Variants in SEPTIN7 observed in about 807,000 individuals in gnomAD.
SEPTIN7 encodes septin-7.
A neutral mutation model predicts 63.3 loss-of-function variants in SEPTIN7; 10 were observed. That is an observed-to-expected ratio of 0.16 (90% CI 0.10 to 0.27). SEPTIN7 has a LOEUF of 0.27. SEPTIN7 is among the 10% of genes least tolerant of loss of function. The pLI, the probability that SEPTIN7 is intolerant of heterozygous loss-of-function variation, is 1.00. For synonymous variants in SEPTIN7, 131 were observed against 165.3 expected (o/e 0.79, Z 1.59); for missense variants, 310 against 521.0 (o/e 0.59, Z 3.94).
chr7:35,884,079 A>G (rs1236007802), intron 9 of SEPTIN7, 92 bp downstream of exon 9: 4 of 688,688 alleles, frequency 5.8e-6, no homozygotes, highest in Non-Finnish European at 1.0e-5. Context: ...TGCACACTGT[A>G]TTGATATAGT....
chr7:35,823,017 T>TC lies in SEPTIN7; in HGVS notation c.62-8474dup, dbSNP rs1360422927. Among the ~76,000 whole-genome samples, 6 of 152,254 alleles carry TC rather than the reference T, an allele frequency of 3.9e-5. 1 individual carries two copies. Among genetic ancestry groups the TC allele is most frequent in the East Asian group, 3.9e-4 (2 of 5,180 alleles). On this transcript the variant is annotated intron_variant, in intron 1 of 13. Transcript: ENST00000350320. ...ACTGTGCTTGAGCCATCCTTTTTTTTCTCTCTCTGTCTCATCTGAGAGCCA... is the reference window on the plus strand; with the variant it reads ...ACTGTGCTTGAGCCATCCTTTTTTTTCCTCTCTCTGTCTCATCTGAGAGCCA...
At chr7:35,833,142 A>G (rs1432128426) in intron 3 of SEPTIN7, among the ~76,000 whole-genome samples, 1 of 152,062 alleles carries the variant, frequency 6.6e-6, no homozygotes, top group Admixed American at 6.5e-5. Context: ...GTTGGAGTGG[A>G]ACTCTAGAGA....
chr7:35,817,817 AT>A (rs1252763648), intron 1 of SEPTIN7, among the ~76,000 whole-genome samples: 1 of 149,930 alleles, frequency 6.7e-6, no homozygotes, highest in Non-Finnish European at 1.5e-5. Flanking sequence ...TTTTTTCTTA[AT>A]TTTTTTATAG....
In SEPTIN7 at chr7:35,801,915, C is replaced by G. The variant is rs575986104; in HGVS notation, c.61+645C>G. ...TCCTCCTCCCGCCTCTCGGGGTTGC[C>G]TCTCTCCAGGCGCAGCCCGGAAGGC... On this transcript the variant is annotated intron_variant, in intron 1 of 13. Transcript: ENST00000350320. Among the ~76,000 whole-genome samples the G allele has an allele frequency of 1.3e-5, 2 of 152,300 alleles. 1 individual carries two copies. Among genetic ancestry groups the G allele is most frequent in the South Asian group, 4.1e-4 (2 of 4,830 alleles).
intron 1 of SEPTIN7, among the ~76,000 whole-genome samples, chr7:35,817,599 A>G (rs944087575): frequency 2.0e-5 from 3 of 152,110 alleles, no homozygotes; most frequent in African/African-American, 4.8e-5. Context: ...GTTGATAGCC[A>G]TGGTGTTGAA....
chr7:35,847,879 C>T (rs1784764860), intron 3 of SEPTIN7: 1 of 152,144 alleles, frequency 6.6e-6, no homozygotes, highest in South Asian at 2.1e-4. Context: ...TTATCTAATT[C>T]AAAGAGTTAA....
chr7:35,829,748 C>T (rs775656276), intron 1 of SEPTIN7, among the ~76,000 whole-genome samples: 58 of 152,108 alleles, frequency 3.8e-4, no homozygotes, highest in Non-Finnish European at 7.2e-4. Context: ...TCACAGTAAA[C>T]AAGTTGGGTA....
chr7:35,870,209 A>G (rs763101296), intron 4 of SEPTIN7, among the ~76,000 whole-genome samples: 3 of 152,334 alleles, frequency 2.0e-5, no homozygotes, highest in Middle Eastern at 3.4e-3. Context: ...AGCTTTATAA[A>G]CATTCCTTAA....
intron 9 of SEPTIN7, among the ~76,000 whole-genome samples, chr7:35,885,519 T>G (rs1562577420): frequency 1.3e-5 from 2 of 152,212 alleles, no homozygotes; most frequent in Non-Finnish European, 2.9e-5. Flanking sequence ...AAATGTATTA[T>G]AGAATAAATA....
chr7:35,886,572 G>A lies in SEPTIN7; in HGVS notation c.872+693G>A, dbSNP rs142089132. ...AAATGATCCTCAGTATTTTCATGTT[G>A]AGACACATTCATTCCCCTCCCTACC... On this transcript the variant is annotated intron_variant, in intron 10 of 13. Transcript: ENST00000350320. Among the ~76,000 whole-genome samples, 169 of 152,284 alleles carry A rather than the reference G, an allele frequency of 1.1e-3. 1 individual carries two copies. The Middle Eastern group carries it at 0.044, about 40-fold the overall frequency.
At chr7:35,909,407 T>A (rs1310593850), downstream of SEPTIN7, among the ~76,000 whole-genome samples, 1 of 152,176 alleles carries the variant, frequency 6.6e-6, no homozygotes, top group Non-Finnish European at 1.5e-5. Context: ...CTGATAAAAA[T>A]CCACTTTCTG....
At chr7:35,845,270 T>C (rs1319491161) in intron 3 of SEPTIN7, among the ~76,000 whole-genome samples, 1 of 152,126 alleles carries the variant, frequency 6.6e-6, no homozygotes, top group Non-Finnish European at 1.5e-5. Flanking sequence ...CATCTGTAAA[T>C]TGAATAAATG....
chr7:35,891,755 A>G (rs1425927192), intron 11 of SEPTIN7, among the ~76,000 whole-genome samples: 1 of 152,134 alleles, frequency 6.6e-6, no homozygotes, highest in Non-Finnish European at 1.5e-5. Context: ...TCTCTTCAAT[A>G]ATCTTACTTT....
chr7:35,839,154 G>A (rs1407014001), intron 3 of SEPTIN7, among the ~76,000 whole-genome samples: 1 of 152,170 alleles, frequency 6.6e-6, no homozygotes. Flanking sequence ...AGTCATCAAG[G>A]AGGACCTGCC....
chr7:35,898,039 A>G (rs779191089), intron 11 of SEPTIN7, among the ~76,000 whole-genome samples: 1 of 152,064 alleles, frequency 6.6e-6, no homozygotes, highest in Non-Finnish European at 1.5e-5. Flanking sequence ...TAGGTTTGAT[A>G]TGCAGTAGGT....
intron 4 of SEPTIN7, among the ~76,000 whole-genome samples, chr7:35,865,485 A>T (rs1368608555): frequency 1.3e-5 from 2 of 152,016 alleles, no homozygotes; most frequent in African/African-American, 4.8e-5. Flanking sequence ...TCGTCATCGT[A>T]TGCTACTCCA....
At chr7:35,834,071 C>T (rs1341430131) in intron 3 of SEPTIN7, among the ~76,000 whole-genome samples, 1 of 151,710 alleles carries the variant, frequency 6.6e-6, no homozygotes, top group Non-Finnish European at 1.5e-5. Flanking sequence ...AGAGATGGGT[C>T]TAGATAGAGG....
intron 3 of SEPTIN7, among the ~76,000 whole-genome samples, chr7:35,834,772 T>A (rs1270901056): frequency 6.6e-6 from 1 of 152,168 alleles, no homozygotes; most frequent in Non-Finnish European, 1.5e-5. Flanking sequence ...TTAGGCTGAC[T>A]CTAACAGCAT....
At chr7:35,801,508 C>T (rs1300733793) in intron 1 of SEPTIN7, among the ~76,000 whole-genome samples, 1 of 150,614 alleles carries the variant, frequency 6.6e-6, no homozygotes. Flanking sequence ...GGCGGCATTT[C>T]CTGTGCCGCG....
Sources: gnomAD v4.1 joint callset for allele counts (sites outside exome capture counted in the v4.1 genomes callset) on GRCh38, gnomAD v4.1.1 for gene constraint, MANE v1.5 for transcripts, NCBI Gene and HGNC (gene_info 2026-07-23, HGNC 2026-07-21) for gene names.